The following XRRA1 variants were observed in gnomAD, a reference collection of about 807,000 sequenced individuals.
XRRA1 encodes the protein X-ray radiation resistance associated 1.
XRRA1 carries 69 observed loss-of-function variants against 80.2 expected under a neutral mutation model. That is an observed-to-expected ratio of 0.86 (90% CI 0.71 to 1.05). XRRA1 has a LOEUF of 1.05. Ranked by LOEUF, XRRA1 falls within the 50% of genes least tolerant of loss-of-function variation. XRRA1 has a pLI of 0.00. For missense variants in XRRA1, 967 were observed against 976.4 expected, an observed-to-expected ratio of 0.99 and a Z score of 0.13; for synonymous variants, 348 against 389.9, an observed-to-expected ratio of 0.89 and a Z score of 1.27.
intron 10 of XRRA1, 33 bp downstream of exon 10, chr11:74,906,206 G>T (rs761644541): frequency 1.3e-6 from 2 of 1,591,026 alleles, no homozygotes; most frequent in South Asian, 1.1e-5. Flanking sequence ...CCACCATGAG[G>T]GTAGAATTTC....
chr11:74,858,286 C>A (rs939133352), intron 12 of XRRA1, among the ~76,000 whole-genome samples: 23 of 152,156 alleles, frequency 1.5e-4, no homozygotes, highest in African/African-American at 5.3e-4. Flanking sequence ...AAGGGTGTAA[C>A]AGTGGGGGAA....
At chr11:74,938,591 A>C (rs939038931) in intron 3 of XRRA1, among the ~76,000 whole-genome samples, 104 of 152,230 alleles carry the variant, frequency 6.8e-4, no homozygotes, top group African/African-American at 2.4e-3. Flanking sequence ...ATCAAACACT[A>C]ATCTAGGTGT....
chr11:74,843,446 G>T lies in XRRA1; in HGVS notation c.2157C>A (p.Val719=). 6.2e-7 allele frequency: 1 copy of T among 1,611,528 alleles called. No individual in the cohort carries two copies. Among genetic ancestry groups the T allele is most frequent in the Non-Finnish European group, 8.5e-7 (1 of 1,178,942 alleles). The part of the protein sequence containing the change: ...RNITEAPLGA[V]LHQWTERRLV... ...GCCGCCGTTCTGTCCACTGGTGCAG[G>T]ACAGCACCTGCAGGAAAAGAAGCCA... Residue 719 remains valine (V), a synonymous_variant, in exon 19 of 19, where the codon GTC becomes GTA. Coordinates refer to ENST00000684022, the MANE Select transcript of XRRA1 (RefSeq NM_001378157.1).
At chr11:74,917,791 T>G (rs1334195631) in intron 8 of XRRA1, among the ~76,000 whole-genome samples, 1 of 152,148 alleles carries the variant, frequency 6.6e-6, no homozygotes, top group East Asian at 1.9e-4. Flanking sequence ...TCTTAGTTCC[T>G]AAGGAGGTAC....
chr11:74,871,017 C>T (rs1047368730), intron 10 of XRRA1, among the ~76,000 whole-genome samples: 4 of 152,100 alleles, frequency 2.6e-5, no homozygotes, highest in African/African-American at 9.7e-5. Flanking sequence ...TAGTCCAGGC[C>T]ATAATAGCAG....
Position 74,843,312 on chromosome 11 carries a change from G to A in XRRA1, c.2291C>T (p.Pro764Leu), listed in dbSNP as rs1461287010. ...CAGCGCTGGGCAGGCCATGGGGAGC[G>A]GGGTAGTCCCGAACACTGTGCGCAG... ...GSLRTVFGTTPLPMACPALSE... is the reference protein window; with the variant it reads ...GSLRTVFGTTLLPMACPALSE... Residue 764 changes from proline (P) to leucine (L), a missense_variant, in exon 19 of 19, where the codon CCG becomes CTG. By Grantham distance (98) the Pro-to-Leu change is moderately conservative. Transcript: ENST00000684022. 4.4e-6 allele frequency: 7 copies of A among 1,604,712 alleles called. No homozygotes were observed. Among genetic ancestry groups the A allele is most frequent in the South Asian group, 2.2e-5 (2 of 89,276 alleles).
In XRRA1 at chr11:74,844,303, C is replaced by G; in HGVS notation, c.1928-20G>C. ...GGATTCCTAGGGCAAGAAGGCAAGA[C>G]TGAGTCAAGGCACTTCCCCCTCCTC... On this transcript the variant is annotated intron_variant, in intron 16 of 18. Coordinates refer to ENST00000684022, the MANE Select transcript of XRRA1 (RefSeq NM_001378157.1). 3 of 1,597,518 alleles carry G rather than the reference C, an allele frequency of 1.9e-6. No individual in the cohort carries two copies. The highest frequency in any genetic ancestry group is 2.6e-6 in the Non-Finnish European group (3 of 1,167,484).
intron 5 of XRRA1, among the ~76,000 whole-genome samples, chr11:74,932,849 T>C (rs1308265544): frequency 6.6e-6 from 1 of 152,184 alleles, no homozygotes; most frequent in Admixed American, 6.5e-5. Context: ...AGCAGAACCC[T>C]GTTAAAGGAG....
chr11:74,942,267 G>A (rs991206174), intron 2 of XRRA1, among the ~76,000 whole-genome samples: 11 of 152,112 alleles, frequency 7.2e-5, no homozygotes, highest in Non-Finnish European at 7.4e-5. Context: ...GGTGGGGACC[G>A]AAAATAGGCC....
intron 8 of XRRA1, among the ~76,000 whole-genome samples, chr11:74,918,597 T>C (rs373005971): frequency 3.3e-5 from 5 of 152,190 alleles, no homozygotes; most frequent in African/African-American, 1.2e-4. Flanking sequence ...AGGGTAGCTA[T>C]TGGGGTTCCA....
chr11:74,877,244 G>C (rs577760722), intron 10 of XRRA1, among the ~76,000 whole-genome samples: 8 of 152,240 alleles, frequency 5.3e-5, no homozygotes, highest in Non-Finnish European at 8.8e-5. Context: ...ATAAAAGATA[G>C]CCCAGGCCTA....
chr11:74,940,826 T>C lies in XRRA1; in HGVS notation c.53A>G (p.Asn18Ser). Residue 18 changes from asparagine (N) to serine (S), a missense_variant, in exon 3 of 19, where the codon AAC becomes AGC. Physicochemically the swap from Asn to Ser is conservative, Grantham distance 46. Coordinates refer to ENST00000684022, the MANE Select transcript of XRRA1 (RefSeq NM_001378157.1). The stretch of plus-strand genomic sequence containing the variant: ...AAGCAGATTTCTGGCTGGGAAGCAG[T>C]TGTTCAGGTAAGGCTTCCCATCATC... ...KLDDGKPYLN[N>S]CFPARNLLRV... 1.9e-6 allele frequency: 3 copies of C among 1,609,506 alleles called. No homozygotes were observed. The highest frequency in any genetic ancestry group is 2.5e-6 in the Non-Finnish European group (3 of 1,178,092).
chr11:74,868,036 C>T (rs1486722354), intron 10 of XRRA1, among the ~76,000 whole-genome samples: 3 of 150,238 alleles, frequency 2.0e-5, no homozygotes, highest in African/African-American at 7.3e-5. Context: ...ATTCTCATAC[C>T]TCAGTCTCCC....
At chr11:74,883,159 T>C (rs181301081) in intron 10 of XRRA1, among the ~76,000 whole-genome samples, 8,048 of 151,814 alleles carry the variant, frequency 0.053, 570 homozygotes, top group African/African-American at 0.18. Flanking sequence ...TAGCAATCTG[T>C]GAGACTCCGT....
intron 10 of XRRA1, among the ~76,000 whole-genome samples, chr11:74,889,590 T>A (rs925120561): frequency 3.3e-5 from 5 of 152,200 alleles, no homozygotes; most frequent in Admixed American, 6.5e-5. Context: ...AATGCTCCAA[T>A]TAAAAGACAC....
At position 74,875,941 on chromosome 11, in the gene XRRA1, G is replaced by A. The variant is rs1180490457; in HGVS notation, c.1004-12920C>T. The stretch of plus-strand genomic sequence containing the variant: ...CCTAAAGGATGGGAAGCCATCCAGG[G>A]AAGGACTGGCAGATAGACTTCACCC... On this transcript the variant is annotated intron_variant, in intron 10 of 18. Transcript: ENST00000684022. Among the ~76,000 whole-genome samples, 7 of 152,174 alleles carry A rather than the reference G, an allele frequency of 4.6e-5. No homozygotes were observed. The South Asian group carries it at 1.2e-3, about 27-fold the overall frequency.
At chr11:74,891,849 A>C (rs866233730) in intron 10 of XRRA1, among the ~76,000 whole-genome samples, 4 of 152,130 alleles carry the variant, frequency 2.6e-5, no homozygotes, top group Non-Finnish European at 4.4e-5. Context: ...ACTTACAAGC[A>C]ATGTGAAGGA....
At chr11:74,870,478 G>A (rs1217369184) in intron 10 of XRRA1, among the ~76,000 whole-genome samples, 1 of 152,168 alleles carries the variant, frequency 6.6e-6, no homozygotes, top group Non-Finnish European at 1.5e-5. Context: ...ATGAAATGCT[G>A]TGGGAATTTT....
rs1591451229 is a variant in XRRA1, at chr11:74,843,123, G to T, written c.*77C>A. 2.7e-6 allele frequency: 4 copies of T among 1,471,984 alleles called. No homozygotes were observed. The African/African-American group carries it at 5.6e-5, about 20-fold the overall frequency. The allele number at this position is 1,471,984 out of a possible 1,614,324, so 91.2% of individuals were successfully genotyped here. The stretch of plus-strand genomic sequence containing the variant: ...CTGTGGCCGGCTGGTCAACCTTGAG[G>T]TGCGGTCCAGGGCACAGAGCCCTCG... On this transcript the variant is annotated 3_prime_UTR_variant, in exon 19 of 19. Transcript: ENST00000684022.
Sources: gnomAD v4.1 joint callset for allele counts (sites outside exome capture counted in the v4.1 genomes callset) on GRCh38, gnomAD v4.1.1 for gene constraint, MANE v1.5 for transcripts, NCBI Gene and HGNC (gene_info 2026-07-23, HGNC 2026-07-21) for gene names.